The following COL6A2 variants were observed in gnomAD, a reference collection of about 807,000 sequenced individuals.
COL6A2 encodes collagen type VI alpha 2 chain, also known as collagen alpha-2(VI) chain.
In COL6A2, 90 loss-of-function variants were observed where a neutral mutation model predicts 124.9. That is an observed-to-expected ratio of 0.72 (90% CI 0.61 to 0.86). COL6A2 has a LOEUF of 0.86. COL6A2 is among the 40% of genes least tolerant of loss of function. COL6A2 has a pLI of 0.00. For missense variants in COL6A2, 1,607 were observed against 1,502.5 expected, an observed-to-expected ratio of 1.07 and a Z score of -1.15; for synonymous variants, 793 against 618.2, an observed-to-expected ratio of 1.28 and a Z score of -4.19.
chr21:46,118,495 C>T (rs951650458), intron 12 of COL6A2, 119 bp from the exon 13 acceptor site: 11 of 911,966 alleles, frequency 1.2e-5, no homozygotes, highest in Admixed American at 6.1e-5. Context: ...CCAGGTGCCC[C>T]GTGGACATCA....
In COL6A2 at chr21:46,116,565, GCCCAAGGGCTTTGCCC is replaced by G. The variant is rs961890146; in HGVS notation, c.928-81_928-66del. The G allele has an allele frequency of 6.2e-7, 1 of 1,600,238 alleles. No individual in the cohort carries two copies. The highest frequency in any genetic ancestry group is 1.3e-5 in the African/African-American group (1 of 74,722). ...GGGGGGTCCTGTGGCCTTGAGTTTGGCCCAAGGGCTTTGCCCCCCAGAGGCAGCAGTGCCCATGATG... is the reference window on the plus strand; with the variant it reads ...GGGGGGTCCTGTGGCCTTGAGTTTGGCCCAGAGGCAGCAGTGCCCATGATG... On this transcript the variant is annotated intron_variant, in intron 8 of 27. Transcript: ENST00000300527. This position sits in a 1 kb window ranked among gnomAD's most constrained non-coding sequence, Gnocchi z 4.6.
In COL6A2 at chr21:46,125,462, C is replaced by CCCA; in HGVS notation, c.1817-3_1817-2insCCA. 6.2e-7 allele frequency: 1 copy of CCCA among 1,612,900 alleles called. No individual in the cohort carries two copies. The highest frequency in any genetic ancestry group is 1.1e-5 in the South Asian group (1 of 91,078). ...CCCCCCGATGACCCTGCCACCCCCC[C>CCCA]AGACTGTGAGAAGCGCTGTGGCGCC... On this transcript the variant is annotated splice_region_variant and splice_polypyrimidine_tract_variant and intron_variant, in intron 24 of 27. Transcript: ENST00000300527.
intron 27 of COL6A2, among the ~76,000 whole-genome samples, chr21:46,127,528 G>A (rs959330028): frequency 1.3e-5 from 2 of 152,154 alleles, no homozygotes; most frequent in African/African-American, 4.8e-5. Flanking sequence ...CCCCACAACA[G>A]TGGGCTGTGC....
chr21:46,118,182 TGGAGCCCCAG>T (rs1287350904), intron 12 of COL6A2, among the ~76,000 whole-genome samples: 2 of 152,114 alleles, frequency 1.3e-5, no homozygotes, highest in Non-Finnish European at 1.5e-5. Context: ...TCCTCCCAGG[TGGAGCCCCAG>T]GGAGCCCCAC....
At position 46,132,230 on chromosome 21, in the gene COL6A2, C is replaced by A. The variant is rs1568947712; in HGVS notation, c.2738C>A (p.Ser913Tyr). 1.6e-5 allele frequency: 26 copies of A among 1,598,512 alleles called. No individual in the cohort carries two copies. Among genetic ancestry groups the A allele is most frequent in the Non-Finnish European group, 2.2e-5 (26 of 1,174,074 alleles). ...CTGGAGACCACACAATACCTGAACT[C>A]CTTCTCGCACGTGGGCGCAGGCGTG... ...EALETTQYLN[S>Y]FSHVGAGVVH... The change falls in exon 28 of 28, where the codon TCC becomes TAC. Residue 913 changes from serine (S) to tyrosine (Y), a missense_variant. Around this residue, in one of 3 missense-constraint regions of COL6A2, gnomAD observed 1,223 missense variants for 1,052.2 expected, o/e 1.16. Coordinates refer to ENST00000300527, the MANE Select transcript of COL6A2 (RefSeq NM_001849.4).
intron 21 of COL6A2, 55 bp downstream of exon 21, chr21:46,122,992 C>T: frequency 1.3e-6 from 2 of 1,539,102 alleles, no homozygotes; most frequent in Non-Finnish European, 1.8e-6. Context: ...GGGAGGGGCC[C>T]TGAGGCTGAG....
chr21:46,117,995 G>C, intron 12 of COL6A2, 59 bp downstream of exon 12: 1 of 1,527,670 alleles, frequency 6.5e-7, no homozygotes, highest in South Asian at 1.2e-5. Context: ...GGGGCCTCCT[G>C]GAGGCAGCCC....
Position 46,132,385 on chromosome 21 carries a change from C to G in COL6A2, c.2893C>G (p.Arg965Gly), listed in dbSNP as rs201188174. The G allele has an allele frequency of 6.2e-7, 1 of 1,609,486 alleles. No homozygotes were observed. The highest frequency in any genetic ancestry group is 8.5e-7 in the Non-Finnish European group (1 of 1,179,324). Residue 965 changes from arginine (R) to glycine (G), a missense_variant, in exon 28 of 28, where the codon CGC becomes GGC. By Grantham distance (125) the Arg-to-Gly change is moderately radical. Around this residue, in one of 3 missense-constraint regions of COL6A2, gnomAD observed 1,223 missense variants for 1,052.2 expected, o/e 1.16. Transcript: ENST00000300527. ...DSLHESAHSM[R>G]KQNVVPTVLA... is the part of the protein sequence containing the mutation. ...TCTGCACGAGTCGGCGCACTCCATG[C>G]GCAAGCAGAACGTGGTACCCACCGT...
At chr21:46,114,137 C>T in intron 5 of COL6A2, 64 bp downstream of exon 5, 2 of 1,428,510 alleles carry the variant, frequency 1.4e-6, no homozygotes, top group Non-Finnish European at 9.9e-7. Context: ...GTTTTGAAAT[C>T]CACACTTGGC....
intron 27 of COL6A2, chr21:46,129,730 T>C: frequency 7.2e-7 from 1 of 1,385,966 alleles, no homozygotes; most frequent in South Asian, 1.8e-5. Context: ...CCGCTCTCTT[T>C]ATAAGAACCC....
intron 27 of COL6A2, among the ~76,000 whole-genome samples, 163 bp downstream of exon 27, chr21:46,126,704 C>T (rs1447532168): frequency 6.6e-6 from 1 of 152,092 alleles, no homozygotes; most frequent in Non-Finnish European, 1.5e-5. Context: ...GATGGCAGCA[C>T]AGGGGAGGAG....
At chr21:46,108,741 T>A (rs1052990524) in intron 1 of COL6A2, among the ~76,000 whole-genome samples, 1 of 152,240 alleles carries the variant, frequency 6.6e-6, no homozygotes. Context: ...TCTGGTATAG[T>A]GGTCCTTAAT....
rs144117982 is a variant in COL6A2 at position 46,112,331 on chromosome 21, C to T, written c.468C>T (p.Phe156=). The T allele has an allele frequency of 1.4e-5, 23 of 1,610,956 alleles. No individual in the cohort carries two copies. The highest frequency in any genetic ancestry group is 2.2e-5 in the East Asian group (1 of 44,812). ...ACCGCAGCAAGGGCACCGTCCACTTCGCCGTGGTCATCACCGACGGCCACG... is the reference window on the plus strand; with the variant it reads ...ACCGCAGCAAGGGCACCGTCCACTTTGCCGTGGTCATCACCGACGGCCACG... ...RQDRSKGTVH[F]AVVITDGHVT... is the part of the protein sequence containing the mutation. Residue 156 remains phenylalanine, a synonymous_variant, in exon 3 of 28, where the codon TTC becomes TTT. Transcript: ENST00000300527.
intron 1 of COL6A2, among the ~76,000 whole-genome samples, chr21:46,109,619 C>T (rs2078373484): frequency 6.6e-6 from 1 of 152,216 alleles, no homozygotes; most frequent in South Asian, 2.1e-4. Flanking sequence ...CCCTCCTGCA[C>T]TTCTCAGTGC....
At chr21:46,120,952 C>T (rs972574460) in intron 16 of COL6A2, 109 bp from the exon 17 acceptor site, 2 of 1,062,308 alleles carry the variant, frequency 1.9e-6, no homozygotes, top group African/African-American at 3.1e-5. Context: ...GGGCCGGGGC[C>T]AGACCCGTCT....
At chr21:46,106,832 A>G (rs2078340022) in intron 1 of COL6A2, among the ~76,000 whole-genome samples, 1 of 152,202 alleles carries the variant, frequency 6.6e-6, no homozygotes, top group African/African-American at 2.4e-5. Flanking sequence ...AAGCTTTCTC[A>G]TCACTCTATT....
At chr21:46,099,482 A>C (rs1022874536) in intron 1 of COL6A2, among the ~76,000 whole-genome samples, 1 of 138,140 alleles carries the variant, frequency 7.2e-6, no homozygotes, top group African/African-American at 2.7e-5. Context: ...AAAAAAAAAA[A>C]GGAAAGAAAG....
intron 1 of COL6A2, among the ~76,000 whole-genome samples, chr21:46,100,548 C>CA (rs2078278330): frequency 6.6e-6 from 1 of 152,174 alleles, no homozygotes; most frequent in African/African-American, 2.4e-5. Context: ...GCCCATGGAG[C>CA]ACCAACTCGC....
intron 21 of COL6A2, among the ~76,000 whole-genome samples, chr21:46,124,247 G>A (rs1568937821): frequency 6.6e-6 from 1 of 151,560 alleles, no homozygotes; most frequent in Non-Finnish European, 1.5e-5. Flanking sequence ...CTGGGTGGAT[G>A]GATGGATGGG....
Sources: gnomAD v4.1 joint callset for allele counts (sites outside exome capture counted in the v4.1 genomes callset) on GRCh38, gnomAD v4.1.1 for gene constraint, gnomAD v4.1.1 regional missense constraint, Gnocchi (gnomAD v3.1) non-coding constraint, MANE v1.5 for transcripts, NCBI Gene and HGNC (gene_info 2026-07-23, HGNC 2026-07-21) for gene names.